MYBPC1: variants seen among roughly 807,000 people sequenced by gnomAD.
MYBPC1 encodes the protein myosin binding protein C1, also known as myosin-binding protein C, slow-type.
In MYBPC1, 52 loss-of-function variants were observed where a neutral mutation model predicts 147.1. The observed-to-expected ratio is 0.35, with a 90% CI of 0.28 to 0.45. The LOEUF is 0.45. Ranked by LOEUF, MYBPC1 falls within the 20% of genes least tolerant of loss-of-function variation. The pLI, the probability that MYBPC1 is intolerant of heterozygous loss-of-function variation, is 1.00. For synonymous variants in MYBPC1, 477 were observed against 475.9 expected, an observed-to-expected ratio of 1.00 and a Z score of -0.03; for missense variants, 1,228 against 1,440.3, an observed-to-expected ratio of 0.85 and a Z score of 2.39.
intron 1 of MYBPC1, among the ~76,000 whole-genome samples, chr12:101,599,694 G>A (rs561637600): frequency 1.3e-5 from 2 of 152,242 alleles, no homozygotes; most frequent in Non-Finnish European, 2.9e-5. Flanking sequence ...AAAGGAATAG[G>A]GGAGGAGGAA....
Position 101,644,710 on chromosome 12 carries a change from C to T in MYBPC1, c.879C>T (p.Gly293=), listed in dbSNP as rs1296698380. Residue 293 remains glycine (G), a synonymous_variant, in exon 12 of 32, where the codon GGC becomes GGT. Transcript: ENST00000361466. ...CTGCATATCAGGTTGACAAAGGAGG[C>T]AGAGTGAGGTTTGTTGTGGAGCTGG... ...LDPAYQVDKG[G]RVRFVVELAD... is the part of the protein sequence containing the mutation. The T allele has an allele frequency of 6.2e-7, 1 of 1,613,912 alleles. No homozygotes were observed. Among genetic ancestry groups the T allele is most frequent in the Non-Finnish European group, 8.5e-7 (1 of 1,179,888 alleles).
chr12:101,660,141 C>T, intron 19 of MYBPC1: 1 of 404,664 alleles, frequency 2.5e-6, no homozygotes, highest in Non-Finnish European at 4.7e-6. Context: ...TGTCCTTAGA[C>T]AACTATCGAA....
At chr12:101,622,168 T>G (rs192257359) in intron 3 of MYBPC1, among the ~76,000 whole-genome samples, 2 of 152,212 alleles carry the variant, frequency 1.3e-5, no homozygotes, top group African/African-American at 4.8e-5. Flanking sequence ...CTTACATATA[T>G]TTTTTGTTTT....
chr12:101,617,134 C>A (rs1565901322), intron 2 of MYBPC1, 68 bp from the exon 3 acceptor site: 3 of 1,475,008 alleles, frequency 2.0e-6, no homozygotes, highest in Non-Finnish European at 2.8e-6. Flanking sequence ...CCCTCTCCAC[C>A]CCGTTGCTCA....
Position 101,677,217 on chromosome 12 carries a change from TA to T in MYBPC1, c.2950-17del, listed in dbSNP as rs758905191. 2.5e-6 allele frequency: 4 copies of T among 1,607,604 alleles called. No homozygotes were observed. Among genetic ancestry groups the T allele is most frequent in the East Asian group, 4.5e-5 (2 of 44,842 alleles). On this transcript the variant is annotated splice_polypyrimidine_tract_variant and intron_variant, in intron 26 of 31. Transcript: ENST00000361466. ...TTTTAGGTGATTTTCCTCCAGTTATTATTTTTTTTTCTTTTAGGAATGGTTT... is the reference window on the plus strand; with the variant it reads ...TTTTAGGTGATTTTCCTCCAGTTATTTTTTTTTTTCTTTTAGGAATGGTTT...
chr12:101,630,197 T>G (rs1889600281), intron 6 of MYBPC1, among the ~76,000 whole-genome samples: 1 of 152,202 alleles, frequency 6.6e-6, no homozygotes, highest in African/African-American at 2.4e-5. Flanking sequence ...CCAAAGTTCA[T>G]CCACATTGTT....
At chr12:101,629,068 A>C (rs912395166) in intron 5 of MYBPC1, 3 of 338,172 alleles carry the variant, frequency 8.9e-6, no homozygotes, top group African/African-American at 4.3e-5. Context: ...ATCACCTAGA[A>C]AAACACCAAG....
chr12:101,660,817 A>G (rs1203573769), intron 19 of MYBPC1, among the ~76,000 whole-genome samples: 1 of 152,146 alleles, frequency 6.6e-6, no homozygotes, highest in African/African-American at 2.4e-5. Context: ...GAGAGAGAGA[A>G]TGAGAACCAA....
rs1887105608 is a variant in MYBPC1 at position 101,620,398 on chromosome 12, T to G, written c.103+3155T>G. On this transcript the variant is annotated intron_variant, in intron 3 of 31. Coordinates refer to ENST00000361466, the MANE Select transcript of MYBPC1 (RefSeq NM_002465.4). ...TCTAGCACGTATTTATTCAGCAAGATTTGCTGAGTGTTGGCTACATGCCAG... is the reference window on the plus strand; with the variant it reads ...TCTAGCACGTATTTATTCAGCAAGAGTTGCTGAGTGTTGGCTACATGCCAG... 2.6e-5 allele frequency among the ~76,000 whole-genome samples: 4 copies of G among 152,200 alleles called. No individual in the cohort carries two copies. The South Asian group carries it at 8.3e-4, about 32-fold the overall frequency.
intron 10 of MYBPC1, among the ~76,000 whole-genome samples, chr12:101,641,576 C>T (rs1892054775): frequency 6.6e-6 from 1 of 152,132 alleles, no homozygotes; most frequent in Non-Finnish European, 1.5e-5. Flanking sequence ...TTTTGGTATG[C>T]ACCCTAAGAA....
intron 3 of MYBPC1, among the ~76,000 whole-genome samples, chr12:101,617,837 A>T (rs900216530): frequency 6.6e-6 from 1 of 152,174 alleles, no homozygotes; most frequent in Non-Finnish European, 1.5e-5. Flanking sequence ...TTAGAAAATA[A>T]TCTTAATCAT....
At chr12:101,645,123 C>A (rs949494342) in intron 12 of MYBPC1, among the ~76,000 whole-genome samples, 1 of 152,088 alleles carries the variant, frequency 6.6e-6, no homozygotes, top group Non-Finnish European at 1.5e-5. Flanking sequence ...AAATAACTTG[C>A]AATCCATATT....
chr12:101,601,579 A>G (rs562305671), intron 1 of MYBPC1, among the ~76,000 whole-genome samples: 103 of 152,344 alleles, frequency 6.8e-4, no homozygotes, highest in African/African-American at 2.4e-3. Flanking sequence ...GACTTTCATT[A>G]TGCCTTTCAA....
chr12:101,666,886 C>CACAT, intron 22 of MYBPC1: 1 of 504,006 alleles, frequency 2.0e-6, no homozygotes, highest in Non-Finnish European at 3.6e-6. Context: ...GAATACTCAT[C>CACAT]ACATACATAC....
chr12:101,661,322 C>T (rs1593967924), intron 20 of MYBPC1, 60 bp downstream of exon 20: 5 of 1,053,954 alleles, frequency 4.7e-6, no homozygotes, highest in Non-Finnish European at 5.9e-6. Context: ...CTTTACGCAT[C>T]TTAGTACAGA....
chr12:101,604,174 G>T (rs1055261884), intron 1 of MYBPC1, among the ~76,000 whole-genome samples: 1 of 152,126 alleles, frequency 6.6e-6, no homozygotes, highest in African/African-American at 2.4e-5. Context: ...CCAGCCCCAT[G>T]TTAACAATGA....
chr12:101,672,901 C>T (rs560105193), intron 24 of MYBPC1, among the ~76,000 whole-genome samples: 4 of 152,132 alleles, frequency 2.6e-5, no homozygotes, highest in African/African-American at 4.8e-5. Flanking sequence ...TGGGCAGAAG[C>T]TTTCTCAGCA....
intron 30 of MYBPC1, 93 bp downstream of exon 30, chr12:101,682,755 A>C: frequency 1.1e-4 from 138 of 1,247,978 alleles, no homozygotes; most frequent in Non-Finnish European, 1.5e-4. Context: ...TGACTTTCTC[A>C]TTTGCTTTTA....
At chr12:101,686,588 G>A (rs953447999), downstream of MYBPC1, among the ~76,000 whole-genome samples, 1 of 152,224 alleles carries the variant, frequency 6.6e-6, no homozygotes, top group African/African-American at 2.4e-5. Flanking sequence ...TCAGTTAAGG[G>A]AGTAGAATCG....
Sources: gnomAD v4.1 joint callset for allele counts (sites outside exome capture counted in the v4.1 genomes callset) on GRCh38, gnomAD v4.1.1 for gene constraint, MANE v1.5 for transcripts, NCBI Gene and HGNC (gene_info 2026-07-23, HGNC 2026-07-21) for gene names.